Variants in CYFIP2 observed in about 807,000 individuals in gnomAD.
CYFIP2 encodes cytoplasmic FMR1 interacting protein 2.
CYFIP2 carries 29 observed loss-of-function variants against 158.7 expected under a neutral mutation model. The ratio of observed to expected loss-of-function variants is 0.18; its 90% CI spans 0.14 to 0.25. The LOEUF (loss-of-function observed/expected upper bound fraction) is 0.25, where lower values mean the gene tolerates loss of function less well. CYFIP2 is among the 10% of genes least tolerant of loss of function. CYFIP2 has a pLI of 1.00. For synonymous variants in CYFIP2, 585 were observed against 617.6 expected, an observed-to-expected ratio of 0.95 and a Z score of 0.78; for missense variants, 852 against 1,639.5, an observed-to-expected ratio of 0.52 and a Z score of 8.29.
intron 26 of CYFIP2, among the ~76,000 whole-genome samples, chr5:157,369,842 T>TA (rs1429620189): frequency 6.6e-6 from 1 of 151,124 alleles, no homozygotes; most frequent in South Asian, 2.1e-4. Flanking sequence ...CTCTGAGGCC[T>TA]GTCACAAGGA....
chr5:157,320,204 G>C (rs1760478029), intron 14 of CYFIP2, among the ~76,000 whole-genome samples: 1 of 152,206 alleles, frequency 6.6e-6, no homozygotes, highest in African/African-American at 2.4e-5. Context: ...GCTACCTGCT[G>C]CCTGTTGGGA....
intron 5 of CYFIP2, among the ~76,000 whole-genome samples, chr5:157,299,130 A>C (rs973032123): frequency 1.3e-5 from 2 of 151,786 alleles, no homozygotes; most frequent in Admixed American, 6.6e-5. Flanking sequence ...TAAGCTTTTA[A>C]ATACCCTCTT....
rs373854212 is a variant in CYFIP2, at chr5:157,393,046, G to A, written c.*46G>A. On this transcript the variant is annotated 3_prime_UTR_variant, in exon 31 of 31. Coordinates refer to ENST00000620254, the MANE Select transcript of CYFIP2 (RefSeq NM_001037333.3). ...TTATCTGGAGGAGGAAGAGAAGCAGGAGAGAGAAAGCCACAGCCAGCCTGC... is the reference window on the plus strand; with the variant it reads ...TTATCTGGAGGAGGAAGAGAAGCAGAAGAGAGAAAGCCACAGCCAGCCTGC... 47 of 1,598,886 alleles carry A rather than the reference G, an allele frequency of 2.9e-5. No individual in the cohort carries two copies. The highest frequency in any genetic ancestry group is 4.0e-5 in the African/African-American group (3 of 74,376).
At chr5:157,349,564 G>T (rs562509452) in intron 23 of CYFIP2, among the ~76,000 whole-genome samples, 151 of 152,276 alleles carry the variant, frequency 9.9e-4, no homozygotes, top group African/African-American at 3.2e-3. Flanking sequence ...ATTGCGAATT[G>T]TGCTGCTATA....
rs1165437455 is a variant in CYFIP2 at position 157,333,210 on chromosome 5, C to G, written c.2266-117C>G. The G allele has an allele frequency of 5.2e-6, 7 of 1,352,590 alleles. No individual in the cohort carries two copies. The South Asian group carries it at 7.8e-5, about 15-fold the overall frequency. 83.8% of individuals were successfully genotyped at this position (1,352,590 alleles called of 1,614,324 possible). ...TTGGAGTTTCTCCAGGAAACCCCTCCCACCTGGCAGTCTCACTCCCACCTT... is the reference window on the plus strand; with the variant it reads ...TTGGAGTTTCTCCAGGAAACCCCTCGCACCTGGCAGTCTCACTCCCACCTT... On this transcript the variant is annotated intron_variant, in intron 20 of 30. Coordinates refer to ENST00000620254, the MANE Select transcript of CYFIP2 (RefSeq NM_001037333.3).
At chr5:157,285,082 A>G (rs928162108) in intron 1 of CYFIP2, among the ~76,000 whole-genome samples, 1 of 152,198 alleles carries the variant, frequency 6.6e-6, no homozygotes, top group African/African-American at 2.4e-5. Context: ...TGGATAGGGT[A>G]CCACCTTCCA....
chr5:157,293,336 G>A (rs1378573880), intron 3 of CYFIP2, among the ~76,000 whole-genome samples: 3 of 152,148 alleles, frequency 2.0e-5, no homozygotes, highest in Admixed American at 2.0e-4. Context: ...GATTACAGGT[G>A]TGAACCACTG....
intron 26 of CYFIP2, among the ~76,000 whole-genome samples, chr5:157,381,191 T>TAC (rs1300807521): frequency 6.6e-6 from 1 of 152,166 alleles, no homozygotes; most frequent in Non-Finnish European, 1.5e-5. Flanking sequence ...CACCACATAC[T>TAC]ACCTTGCCTT....
Position 157,384,692 on chromosome 5 carries a change from C to A in CYFIP2, c.3207+1333C>A, listed in dbSNP as rs184955197. On this transcript the variant is annotated intron_variant, in intron 28 of 30. Transcript: ENST00000620254. ...CGGTGGCTCACACCTGTAATCCCAG[C>A]ACTTTGGAAGGCCGAGGCAGGCGGA... The A allele has an allele frequency of 2.0e-3, 715 of 355,784 alleles. 5 individuals are homozygous for A. The highest frequency in any genetic ancestry group is 0.014 in the African/African-American group (660 of 46,876). 22.0% of individuals were successfully genotyped at this position (355,784 alleles called of 1,614,324 possible). A position where few individuals can be genotyped will look rare whatever the true frequency, so the allele number is the denominator to read the frequency against.
rs373107748 is a variant in CYFIP2, at chr5:157,339,167, C to T, written c.2496C>T (p.Ser832=). 8.6e-5 allele frequency: 138 copies of T among 1,614,010 alleles called. No homozygotes were observed. The African/African-American group carries it at 1.5e-3, about 17-fold the overall frequency. The change falls in exon 22 of 31, where the codon TCC becomes TCT. Residue 832 remains serine (S), a synonymous_variant. Transcript: ENST00000620254. ...AMFREANHNV[S]APYGRITLHV... is the part of the protein sequence containing the mutation. Reference sequence around the variant, plus strand: ...TCCGAGAGGCCAATCACAATGTGTCCGCCCCCTATGGCCGTATCACCCTGC... The same window carrying T: ...TCCGAGAGGCCAATCACAATGTGTCTGCCCCCTATGGCCGTATCACCCTGC...
intron 9 of CYFIP2, among the ~76,000 whole-genome samples, chr5:157,308,147 T>G (rs906514175): frequency 6.7e-6 from 1 of 149,392 alleles, no homozygotes; most frequent in South Asian, 2.1e-4. Flanking sequence ...GCCCTGTGAT[T>G]CTTTTCTGAA....
rs777642662 is a variant in CYFIP2 at position 157,325,513 on chromosome 5, G to A, written c.1857G>A (p.Gln619=). 5 of 1,613,416 alleles carry A rather than the reference G, an allele frequency of 3.1e-6. No homozygotes were observed. The highest frequency in any genetic ancestry group is 1.1e-5 in the South Asian group (1 of 90,872). ...TGCAGCAGTGTTGTGACCTCTCCCAGCTCTGGTTCCGAGAATTCTTCCTGG... is the reference window on the plus strand; with the variant it reads ...TGCAGCAGTGTTGTGACCTCTCCCAACTCTGGTTCCGAGAATTCTTCCTGG... ...EALQQCCDLS[Q]LWFREFFLEL... is the part of the protein sequence containing the mutation. The change falls in exon 17 of 31, where the codon CAG becomes CAA. Residue 619 remains glutamine, a synonymous_variant. Coordinates refer to ENST00000620254, the MANE Select transcript of CYFIP2 (RefSeq NM_001037333.3).
chr5:157,333,504 A>C (rs752281227), intron 21 of CYFIP2, 58 bp downstream of exon 21: 11 of 1,612,276 alleles, frequency 6.8e-6, no homozygotes, highest in Non-Finnish European at 9.3e-6. Flanking sequence ...CTAGAAGCCT[A>C]GATGGGGACT....
At chr5:157,281,050 A>G (rs149187601) in intron 1 of CYFIP2, among the ~76,000 whole-genome samples, 16 of 152,234 alleles carry the variant, frequency 1.1e-4, no homozygotes, top group East Asian at 7.7e-4. Context: ...TCTCTTTTCT[A>G]TCTTTGCAAT....
chr5:157,366,490 C>T (rs1212478612), intron 26 of CYFIP2, among the ~76,000 whole-genome samples: 4 of 152,180 alleles, frequency 2.6e-5, no homozygotes, highest in Admixed American at 6.5e-5. Context: ...AGTCTTTCAA[C>T]GCTAAACAGA....
At chr5:157,326,741 A>G (rs113960957) in intron 18 of CYFIP2, among the ~76,000 whole-genome samples, 9 of 152,168 alleles carry the variant, frequency 5.9e-5, no homozygotes, top group African/African-American at 2.2e-4. Context: ...GCACACGCCC[A>G]CCTTGACCTT....
chr5:157,389,774 C>T (rs1295969012), intron 29 of CYFIP2: 1 of 192,608 alleles, frequency 5.2e-6, no homozygotes, highest in East Asian at 1.3e-4. Context: ...CTCCAGCAGC[C>T]AAGAGCTCTA....
chr5:157,315,579 T>G (rs1760075924), intron 13 of CYFIP2, among the ~76,000 whole-genome samples: 1 of 152,242 alleles, frequency 6.6e-6, no homozygotes, highest in African/African-American at 2.4e-5. Flanking sequence ...AATCTGATTA[T>G]ATGTACTCAT....
intron 3 of CYFIP2, among the ~76,000 whole-genome samples, chr5:157,290,607 A>G (rs1395764280): frequency 1.3e-5 from 2 of 152,216 alleles, no homozygotes; most frequent in Non-Finnish European, 2.9e-5. Flanking sequence ...AGGGATTAGG[A>G]TACAGACATC....
Sources: allele counts gnomAD v4.1 joint callset (sites outside exome capture counted in the v4.1 genomes callset), GRCh38; gene constraint gnomAD v4.1.1; transcripts MANE v1.5; gene names NCBI Gene and HGNC (gene_info 2026-07-23, HGNC 2026-07-21).